Variants in TENM3 observed in about 807,000 individuals in gnomAD.
The protein encoded by TENM3 is teneurin-3.
Under a neutral mutation model 255.1 loss-of-function variants are expected in TENM3, and 63 were observed. The ratio of observed to expected loss-of-function variants is 0.25; its 90% CI spans 0.20 to 0.30. The LOEUF (loss-of-function observed/expected upper bound fraction) is 0.30. TENM3 is among the 10% of genes least tolerant of loss of function. The probability of loss-of-function intolerance (pLI) is 1.00; values close to 1 mark genes in which losing one functional copy is unlikely to be tolerated. For synonymous variants in TENM3, 1,306 were observed against 1,322.3 expected (o/e 0.99, Z 0.27); for missense variants, 2,929 against 3,461.1 (o/e 0.85, Z 3.86).
the TENM3 span, among the ~76,000 whole-genome samples, chr4:182,049,965 G>A: frequency 8.0e-5 from 12 of 150,514 alleles, no homozygotes; most frequent in African/African-American, 2.2e-4. Flanking sequence ...GCAAGGGCAC[G>A]TTTAAAAAAT....
At chr4:181,992,807 A>C in the TENM3 span, among the ~76,000 whole-genome samples, 1 of 152,164 alleles carries the variant, frequency 6.6e-6, no homozygotes, top group African/African-American at 2.4e-5. Context: ...GAGAAATGCA[A>C]ACCTGTTTTT....
chr4:181,564,046 T>TC, the TENM3 span, among the ~76,000 whole-genome samples: 1 of 146,052 alleles, frequency 6.8e-6, no homozygotes. Context: ...TTTTCTTTTT[T>TC]TTTTTTTTTT....
chr4:182,454,234 A>G (rs533381359), intron 3 of TENM3, among the ~76,000 whole-genome samples: 42 of 152,308 alleles, frequency 2.8e-4, no homozygotes, highest in African/African-American at 9.1e-4. Flanking sequence ...ACATTTTTAC[A>G]TATGGCTTTA....
chr4:182,066,023 T>C, the TENM3 span, among the ~76,000 whole-genome samples: 2 of 152,174 alleles, frequency 1.3e-5, no homozygotes, highest in African/African-American at 4.8e-5. Flanking sequence ...CCTAGGAGTC[T>C]AATTGCTGGG....
chr4:182,634,334 TG>T (rs57287676), intron 5 of TENM3, among the ~76,000 whole-genome samples: 8,893 of 152,132 alleles, frequency 0.058, 827 homozygotes, highest in African/African-American at 0.2. Context: ...TAGCCATAAC[TG>T]GGAGATCATG....
At chr4:182,393,597 A>T (rs892276122) in intron 3 of TENM3, among the ~76,000 whole-genome samples, 14 of 152,200 alleles carry the variant, frequency 9.2e-5, no homozygotes, top group African/African-American at 3.1e-4. Context: ...CACAGAGTAG[A>T]CATTGACAAA....
chr4:182,789,450 T>TA lies in TENM3; in HGVS notation c.5601+61_5601+62insA. On this transcript the variant is annotated intron_variant, in intron 25 of 27. Transcript: ENST00000511685. This position sits in a 1 kb window ranked among gnomAD's most constrained non-coding sequence, Gnocchi z 4.4. ...GATAATTCACATTTTTCAGCAATCA[T>TA]CCAGAGCACTAAGGGGAAAAAAAAC... 2.0e-6 allele frequency: 3 copies of TA among 1,485,966 alleles called. No individual in the cohort carries two copies. The African/African-American group carries it at 4.1e-5, about 21-fold the overall frequency. 92.0% of individuals were successfully genotyped at this position (1,485,966 alleles called of 1,614,324 possible).
At chr4:182,214,514 A>ATTTC (rs1755305607) in intron 1 of TENM3, among the ~76,000 whole-genome samples, 1 of 88,730 alleles carries the variant, frequency 1.1e-5, no homozygotes. Flanking sequence ...TATTTATTGT[A>ATTTC]TTTATTTATT....
intron 3 of TENM3, among the ~76,000 whole-genome samples, chr4:182,460,421 T>G (rs773680801): frequency 3.3e-5 from 5 of 152,038 alleles, no homozygotes; most frequent in Non-Finnish European, 7.4e-5. Flanking sequence ...TAAACCTGCT[T>G]CTATCATGGG....
chr4:181,746,388 G>A, the TENM3 span, among the ~76,000 whole-genome samples: 1 of 152,016 alleles, frequency 6.6e-6, no homozygotes, highest in East Asian at 1.9e-4. Flanking sequence ...TGTTGGAAAG[G>A]GTGAGAGTAA....
the TENM3 span, among the ~76,000 whole-genome samples, chr4:181,910,997 A>G: frequency 1.3e-5 from 2 of 152,130 alleles, no homozygotes; most frequent in African/African-American, 4.8e-5. Context: ...TGGCAAACTT[A>G]TTTGAGTACA....
chr4:181,736,871 C>T, the TENM3 span, among the ~76,000 whole-genome samples: 3 of 151,816 alleles, frequency 2.0e-5, no homozygotes, highest in Non-Finnish European at 2.9e-5. Context: ...AGGCGATGCA[C>T]GTGCTTTCTT....
the TENM3 span, among the ~76,000 whole-genome samples, chr4:181,777,441 G>C: frequency 6.6e-6 from 1 of 151,812 alleles, no homozygotes; most frequent in East Asian, 1.9e-4. Context: ...CTATTTCTGT[G>C]AAAAATGTCG....
chr4:182,335,606 G>A (rs1764083767), intron 2 of TENM3, among the ~76,000 whole-genome samples: 1 of 151,154 alleles, frequency 6.6e-6, no homozygotes, highest in Non-Finnish European at 1.5e-5. Context: ...GCCGATCCCA[G>A]GGACTCAATA....
the TENM3 span, among the ~76,000 whole-genome samples, chr4:181,544,010 C>T: frequency 2.6e-5 from 4 of 152,090 alleles, no homozygotes; most frequent in Non-Finnish European, 2.9e-5. Flanking sequence ...AGTTTTTAAA[C>T]ATGTGGTGAG....
chr4:182,047,743 G>A, the TENM3 span, among the ~76,000 whole-genome samples: 24 of 152,122 alleles, frequency 1.6e-4, no homozygotes, highest in African/African-American at 4.8e-4. Flanking sequence ...TTTCAGCATC[G>A]TATAAGTGCA....
the TENM3 span, among the ~76,000 whole-genome samples, chr4:181,474,739 C>CA: frequency 0.43 from 59,490 of 137,148 alleles, 12,476 homozygotes; most frequent in Middle Eastern, 0.47. Flanking sequence ...CGTCTCAAAA[C>CA]AAAAAAAAAA....
chr4:181,959,563 A>G, the TENM3 span, among the ~76,000 whole-genome samples: 1 of 152,240 alleles, frequency 6.6e-6, no homozygotes, highest in Admixed American at 6.5e-5. Context: ...TTAAAGCAAC[A>G]AAGGGTAGCC....
chr4:181,614,013 A>T, the TENM3 span, among the ~76,000 whole-genome samples: 1 of 108,018 alleles, frequency 9.3e-6, no homozygotes, highest in South Asian at 2.4e-4. Flanking sequence ...TTTGGAAAGC[A>T]TAGTTATTTT....
Sources: gnomAD v4.1 joint callset for allele counts (sites outside exome capture counted in the v4.1 genomes callset) on GRCh38, gnomAD v4.1.1 for gene constraint, Gnocchi (gnomAD v3.1) non-coding constraint, MANE v1.5 for transcripts, NCBI Gene and HGNC (gene_info 2026-07-23, HGNC 2026-07-21) for gene names.